Variants in ERBB4 observed in about 807,000 individuals in gnomAD.
ERBB4 encodes the protein receptor tyrosine-protein kinase erbB-4.
In ERBB4, 42 loss-of-function variants were observed where a neutral mutation model predicts 158.0. That is an observed-to-expected ratio of 0.27 (90% CI 0.21 to 0.34). The LOEUF (loss-of-function observed/expected upper bound fraction) is 0.34. ERBB4 is among the 10% of genes least tolerant of loss of function. The pLI, the probability that ERBB4 is intolerant of heterozygous loss-of-function variation, is 1.00. For synonymous variants in ERBB4, 583 were observed against 558.7 expected (o/e 1.04, Z -0.61); for missense variants, 1,333 against 1,624.1 (o/e 0.82, Z 3.08).
chr2:212,097,574 T>G (rs542754446), intron 2 of ERBB4, among the ~76,000 whole-genome samples: 39 of 152,138 alleles, frequency 2.6e-4, no homozygotes, highest in African/African-American at 9.2e-4. Flanking sequence ...AGAAAGGAGA[T>G]GCATTGTGAT....
chr2:212,503,970 T>A (rs1691043211), intron 1 of ERBB4, among the ~76,000 whole-genome samples: 1 of 152,222 alleles, frequency 6.6e-6, no homozygotes, highest in African/African-American at 2.4e-5. Flanking sequence ...AAACTATTTG[T>A]TAAGTATCTA....
intron 20 of ERBB4, among the ~76,000 whole-genome samples, chr2:211,514,677 A>G (rs2065977617): frequency 6.6e-6 from 1 of 152,154 alleles, no homozygotes; most frequent in Non-Finnish European, 1.5e-5. Context: ...CAGTTTATCA[A>G]CTGTAAGAAA....
At chr2:212,120,388 A>C (rs1414750486) in intron 2 of ERBB4, among the ~76,000 whole-genome samples, 2 of 152,196 alleles carry the variant, frequency 1.3e-5, no homozygotes, top group Non-Finnish European at 1.5e-5. Flanking sequence ...CATGACTCAC[A>C]TGTTTATCTA....
intron 1 of ERBB4, among the ~76,000 whole-genome samples, chr2:212,494,550 CT>C (rs1465090451): frequency 1.3e-5 from 2 of 151,964 alleles, no homozygotes; most frequent in East Asian, 3.9e-4. Context: ...CTCCACCCAG[CT>C]ATTCATTAAT....
chr2:211,848,571 G>A (rs543369441), intron 3 of ERBB4, among the ~76,000 whole-genome samples: 1 of 152,062 alleles, frequency 6.6e-6, no homozygotes, highest in East Asian at 1.9e-4. Flanking sequence ...ATGTATAATT[G>A]TTCTGTTTAT....
chr2:212,248,204 T>G (rs147410113), intron 1 of ERBB4, among the ~76,000 whole-genome samples: 41 of 152,266 alleles, frequency 2.7e-4, no homozygotes, highest in African/African-American at 7.7e-4. Flanking sequence ...TTTAGTGCCT[T>G]CATAATCATC....
In ERBB4 at chr2:211,934,926, TAA is replaced by T. The variant is rs34614862; in HGVS notation, c.421+12502_421+12503del. On this transcript the variant is annotated intron_variant, in intron 3 of 27. Transcript: ENST00000342788. ...TACACTAAGCAAAGTCTCATTCAGC[TAA>T]AAAAAAAAAAAAACTGCCTTGAAGA... Among the ~76,000 whole-genome samples the T allele has an allele frequency of 4.4e-4, 38 of 86,638 alleles. 3 individuals are homozygous for T. Among genetic ancestry groups the T allele is most frequent in the African/African-American group, 1.2e-3 (31 of 25,268 alleles). The allele number at this position is 86,638 out of a possible 152,430, so 56.8% of individuals were successfully genotyped here.
intron 3 of ERBB4, among the ~76,000 whole-genome samples, chr2:211,828,217 C>T (rs1239454912): frequency 6.6e-6 from 1 of 152,066 alleles, no homozygotes; most frequent in Non-Finnish European, 1.5e-5. Context: ...TCAGTATTTC[C>T]TCAATATCAT....
intron 5 of ERBB4, among the ~76,000 whole-genome samples, chr2:211,739,056 C>T (rs576309013): frequency 6.6e-6 from 1 of 152,116 alleles, no homozygotes; most frequent in Non-Finnish European, 1.5e-5. Context: ...AGTTATATCA[C>T]ATGTTTTTAA....
intron 3 of ERBB4, among the ~76,000 whole-genome samples, chr2:211,946,661 A>G (rs1243019592): frequency 7.0e-6 from 1 of 142,092 alleles, no homozygotes; most frequent in Admixed American, 7.6e-5. Context: ...CGATCTCAAT[A>G]AGCAGCTCAT....
At chr2:211,458,277 T>TC (rs1574526613) in intron 20 of ERBB4, among the ~76,000 whole-genome samples, 2 of 152,124 alleles carry the variant, frequency 1.3e-5, no homozygotes, top group East Asian at 1.9e-4. Flanking sequence ...ATAATTTTTT[T>TC]TTTTTTTTGA....
At chr2:212,490,826 T>C (rs1472945928) in intron 1 of ERBB4, among the ~76,000 whole-genome samples, 1 of 151,794 alleles carries the variant, frequency 6.6e-6, no homozygotes. Flanking sequence ...ACAGTAACTT[T>C]AGCAGTGTTT....
At chr2:211,483,962 G>A (rs970402983) in intron 20 of ERBB4, among the ~76,000 whole-genome samples, 12 of 152,128 alleles carry the variant, frequency 7.9e-5, no homozygotes, top group Non-Finnish European at 1.2e-4. Flanking sequence ...TTCTTTACCC[G>A]GAGAAAGTCT....
chr2:212,321,290 A>AT (rs1574675651), intron 1 of ERBB4, among the ~76,000 whole-genome samples: 1 of 150,672 alleles, frequency 6.6e-6, no homozygotes, highest in East Asian at 1.9e-4. Flanking sequence ...GGGACTACAG[A>AT]TTCACTAAGG....
At chr2:211,901,556 A>G (rs2079236493) in intron 3 of ERBB4, among the ~76,000 whole-genome samples, 1 of 152,070 alleles carries the variant, frequency 6.6e-6, no homozygotes, top group African/African-American at 2.4e-5. Flanking sequence ...ACTCTGCCAT[A>G]ACTCTGCTTT....
chr2:212,368,144 C>A (rs745497604), intron 1 of ERBB4, among the ~76,000 whole-genome samples: 25 of 152,060 alleles, frequency 1.6e-4, no homozygotes, highest in Non-Finnish European at 2.9e-5. Context: ...TACAGTGGCA[C>A]AATTCACAAT....
chr2:211,593,006 C>A, intron 19 of ERBB4, among the ~76,000 whole-genome samples: 1 of 80,998 alleles, frequency 1.2e-5, no homozygotes, highest in Non-Finnish European at 3.0e-5. Flanking sequence ...GAGTGAGACT[C>A]CATCTCAAAA....
chr2:211,723,112 A>C (rs2074156906), intron 6 of ERBB4, among the ~76,000 whole-genome samples: 1 of 152,186 alleles, frequency 6.6e-6, no homozygotes, highest in Non-Finnish European at 1.5e-5. Flanking sequence ...GTAATTAAAT[A>C]ATATGATGTC....
At chr2:212,288,513 G>A (rs1378885465) in intron 1 of ERBB4, among the ~76,000 whole-genome samples, 2 of 152,160 alleles carry the variant, frequency 1.3e-5, no homozygotes, top group Middle Eastern at 3.4e-3. Context: ...GGAAGTTCAC[G>A]CCTTTTGCAG....
Sources: allele counts gnomAD v4.1 joint callset (sites outside exome capture counted in the v4.1 genomes callset), GRCh38; gene constraint gnomAD v4.1.1; transcripts MANE v1.5; gene names NCBI Gene and HGNC (gene_info 2026-07-23, HGNC 2026-07-21).